The following MAK variants were observed in gnomAD, a reference collection of about 807,000 sequenced individuals.
MAK encodes the protein serine/threonine-protein kinase MAK.
In MAK, 65 loss-of-function variants were observed where a neutral mutation model predicts 82.6. The ratio of observed to expected loss-of-function variants is 0.79; its 90% confidence interval spans 0.64 to 0.97. The LOEUF is 0.97. MAK is among the 50% of genes least tolerant of loss of function. The probability of loss-of-function intolerance (pLI) is 0.00; values close to 1 mark genes in which losing one functional copy is unlikely to be tolerated. For synonymous variants in MAK, 250 were observed against 274.2 expected, an observed-to-expected ratio of 0.91 and a Z score of 0.87; for missense variants, 703 against 780.2, an observed-to-expected ratio of 0.90 and a Z score of 1.18.
At chr6:10,769,359 A>C (rs750187153) in intron 14 of MAK, among the ~76,000 whole-genome samples, 6 of 152,222 alleles carry the variant, frequency 3.9e-5, no homozygotes, top group Non-Finnish European at 7.3e-5. Context: ...TCATGGTCAA[A>C]TCTGATTGGC....
intron 11 of MAK, among the ~76,000 whole-genome samples, chr6:10,778,632 C>T (rs944767339): frequency 2.0e-5 from 3 of 151,912 alleles, no homozygotes; most frequent in African/African-American, 7.3e-5. Context: ...GCCAGTAAGG[C>T]TGCAGCAAGA....
intron 11 of MAK, among the ~76,000 whole-genome samples, chr6:10,780,655 A>T (rs1401406887): frequency 1.3e-5 from 2 of 151,760 alleles, no homozygotes; most frequent in African/African-American, 4.8e-5. Flanking sequence ...GAATTTCACC[A>T]TGTTGGCCAG....
At chr6:10,828,093 A>G (rs1226324097) in intron 2 of MAK, among the ~76,000 whole-genome samples, 1 of 152,130 alleles carries the variant, frequency 6.6e-6, no homozygotes, top group Non-Finnish European at 1.5e-5. Flanking sequence ...TTTCATTTCC[A>G]TTATTGTATA....
chr6:10,816,741 C>CAATATTATATA (rs1338954851), intron 4 of MAK, among the ~76,000 whole-genome samples: 1 of 152,006 alleles, frequency 6.6e-6, no homozygotes, highest in East Asian at 1.9e-4. Context: ...ACAATAATTA[C>CAATATTATATA]CAACCTATTT....
intron 9 of MAK, among the ~76,000 whole-genome samples, chr6:10,795,225 G>A (rs1775426695): frequency 6.6e-6 from 1 of 152,118 alleles, no homozygotes; most frequent in South Asian, 2.1e-4. Flanking sequence ...GCCGAGATGG[G>A]TGGATCATCT....
chr6:10,770,776 T>G (rs1772936069), intron 13 of MAK, among the ~76,000 whole-genome samples: 1 of 152,136 alleles, frequency 6.6e-6, no homozygotes, highest in Non-Finnish European at 1.5e-5. Flanking sequence ...TCATCATCAC[T>G]ATTGGTGAAT....
At chr6:10,830,901 C>G (rs1778767356) in intron 1 of MAK, 24 bp from the exon 2 acceptor site, 1 of 450,824 alleles carries the variant, frequency 2.2e-6, no homozygotes, top group African/African-American at 2.0e-5. Context: ...ACAAGGATAT[C>G]ATGAATTTTC....
In MAK at chr6:10,816,966, T is replaced by C. The variant is rs536830826; in HGVS notation, c.278+884A>G. ...AGGCCTAGAAGGGACTCTGAAAAAG[T>C]AAAAACTGATTTGAGGGGCAGAAAT... On this transcript the variant is annotated intron_variant, in intron 4 of 14. Transcript: ENST00000354489. 5.1e-4 allele frequency among the ~76,000 whole-genome samples: 78 copies of C among 152,260 alleles called. 1 individual carries two copies. Among genetic ancestry groups the C allele is most frequent in the African/African-American group, 1.7e-3 (72 of 41,572 alleles).
At chr6:10,833,897 G>A (rs1052334571) in intron 1 of MAK, among the ~76,000 whole-genome samples, 2 of 152,092 alleles carry the variant, frequency 1.3e-5, no homozygotes, top group Non-Finnish European at 1.5e-5. Context: ...CTTATTCATA[G>A]ACACTGATTC....
At position 10,763,038 on chromosome 6, in the gene MAK, A is replaced by G. The variant is rs1772092891; in HGVS notation, c.*1414T>C. ...CAGTTGGTAACATTATTATTCTTTA[A>G]AAAGAATTTACAGTACTAAGGTCCA... is the stretch of plus-strand genomic sequence containing the variant. On this transcript the variant is annotated 3_prime_UTR_variant, in exon 15 of 15. Coordinates refer to ENST00000354489, the MANE Select transcript of MAK (RefSeq NM_001242957.3). The G allele has an allele frequency of 1.3e-5, 2 of 152,680 alleles. No individual in the cohort carries two copies. Among genetic ancestry groups the G allele is most frequent in the South Asian group, 4.1e-4 (2 of 4,836 alleles). The allele number at this position is 152,680 out of a possible 1,614,324, so 9.5% of individuals were successfully genotyped here. A position where few individuals can be genotyped will look rare whatever the true frequency, so the allele number is the denominator to read the frequency against.
intron 2 of MAK, among the ~76,000 whole-genome samples, chr6:10,823,962 A>G (rs1778157759): frequency 6.6e-6 from 1 of 151,274 alleles, no homozygotes; most frequent in Admixed American, 6.7e-5. Flanking sequence ...AAAGATTGAT[A>G]GGATATTATG....
intron 6 of MAK, among the ~76,000 whole-genome samples, chr6:10,806,024 G>C (rs1435031792): frequency 6.6e-6 from 1 of 152,156 alleles, no homozygotes; most frequent in Non-Finnish European, 1.5e-5. Context: ...TGAAAGGCCT[G>C]GTGCTGTTCT....
chr6:10,830,466 G>T, intron 2 of MAK, 82 bp downstream of exon 2: 1 of 1,173,554 alleles, frequency 8.5e-7, no homozygotes, highest in Non-Finnish European at 1.3e-6. Flanking sequence ...GCTGGCCTGT[G>T]CTGGTATATA....
intron 5 of MAK, among the ~76,000 whole-genome samples, 163 bp from the exon 6 acceptor site, chr6:10,809,105 C>T (rs114359967): frequency 0.06 from 9,093 of 152,086 alleles, 839 homozygotes; most frequent in African/African-American, 0.21. Context: ...GTAAATGGGG[C>T]GTAGGGACCC....
In MAK at chr6:10,791,663, T is replaced by G. The variant is rs772462984; in HGVS notation, c.1316+12A>C. On this transcript the variant is annotated intron_variant, in intron 10 of 14. Transcript: ENST00000354489. ...TGGCAAAAATATTTTTCTGAGGAAT[T>G]TGAAATCTTACCGAAATGGAGAATC... is the stretch of plus-strand genomic sequence containing the variant. 9.9e-6 allele frequency: 16 copies of G among 1,610,890 alleles called. No homozygotes were observed. The East Asian group carries it at 3.1e-4, about 31-fold the overall frequency.
intron 2 of MAK, among the ~76,000 whole-genome samples, chr6:10,828,186 C>A (rs10223882): frequency 0.024 from 3,673 of 152,080 alleles, 142 homozygotes; most frequent in African/African-American, 0.08. Context: ...TGGTTTAGAT[C>A]ATAATATTTT....
At chr6:10,799,197 T>C (rs567464051) in intron 8 of MAK, among the ~76,000 whole-genome samples, 2 of 152,346 alleles carry the variant, frequency 1.3e-5, no homozygotes, top group South Asian at 4.1e-4. Context: ...TCTTTGAGCA[T>C]AATTTCTGAT....
At chr6:10,822,522 A>G (rs1778040187) in intron 2 of MAK, among the ~76,000 whole-genome samples, 1 of 152,072 alleles carries the variant, frequency 6.6e-6, no homozygotes, top group Non-Finnish European at 1.5e-5. Context: ...TCTTCTTTCC[A>G]GCAATTACCA....
intron 1 of MAK, among the ~76,000 whole-genome samples, chr6:10,836,455 A>G (rs1396107962): frequency 2.0e-5 from 3 of 152,220 alleles, no homozygotes; most frequent in African/African-American, 7.2e-5. Context: ...ACATCAAGGT[A>G]AAGCTTTTAA....
Sources: allele counts gnomAD v4.1 joint callset (sites outside exome capture counted in the v4.1 genomes callset), GRCh38; gene constraint gnomAD v4.1.1; transcripts MANE v1.5; gene names NCBI Gene and HGNC (gene_info 2026-07-23, HGNC 2026-07-21).